Variants in WDR35 observed in about 807,000 individuals in gnomAD.
WDR35 encodes the protein WD repeat domain 35.
Under a neutral mutation model 158.3 loss-of-function variants are expected in WDR35, and 118 were observed. That is an observed-to-expected ratio of 0.75 (90% CI 0.64 to 0.87). WDR35 has a LOEUF of 0.87. Among genes scored for constraint, WDR35 ranks in the 40% least tolerant of loss-of-function variants. WDR35 has a pLI of 0.00. For missense variants in WDR35, 1,263 were observed against 1,405.8 expected (o/e 0.90, Z 1.62); for synonymous variants, 448 against 476.1 (o/e 0.94, Z 0.77).
intron 20 of WDR35, among the ~76,000 whole-genome samples, chr2:19,935,826 A>T (rs1670675706): frequency 6.6e-6 from 1 of 151,980 alleles, no homozygotes; most frequent in Non-Finnish European, 1.5e-5. Context: ...CCACCGCTTT[A>T]CTCCCAAACA....
rs1270793149 is a variant in WDR35 at position 19,945,890 on chromosome 2, C to G, written c.1741G>C (p.Glu581Gln). The G allele has an allele frequency of 6.2e-7, 1 of 1,613,874 alleles. No homozygotes were observed. Among genetic ancestry groups the G allele is most frequent in the African/African-American group, 1.3e-5 (1 of 74,922 alleles). Residue 581 changes from glutamate (E) to glutamine (Q), a missense_variant, in exon 16 of 27, where the codon GAA becomes CAA. By Grantham distance (29) the Glu-to-Gln change is conservative (BLOSUM62 2). Coordinates refer to ENST00000281405, the MANE Select transcript of WDR35 (RefSeq NM_020779.4). ...TTCATATCCCAGACATCTCTTCGTT[C>G]CAATTTTAACAACTCTCCAACTACT... ...QQVVGELLKL[E>Q]RRDVWDMKWA...
At chr2:19,942,852 T>A (rs1302744097) in intron 16 of WDR35, among the ~76,000 whole-genome samples, 1 of 152,078 alleles carries the variant, frequency 6.6e-6, no homozygotes, top group Non-Finnish European at 1.5e-5. Context: ...ACCAGCAGGG[T>A]CTCACCTAAC....
chr2:19,969,374 C>T, intron 9 of WDR35, 106 bp downstream of exon 9: 1 of 1,268,072 alleles, frequency 7.9e-7, no homozygotes, highest in Non-Finnish European at 1.1e-6. Flanking sequence ...AAAAGGCTTC[C>T]TTTCTGCTAG....
intron 22 of WDR35, among the ~76,000 whole-genome samples, 186 bp from the exon 23 acceptor site, chr2:19,932,633 A>G (rs538626458): frequency 1.3e-5 from 2 of 152,332 alleles, no homozygotes; most frequent in African/African-American, 4.8e-5. Context: ...AAAATGATTA[A>G]ATGATCTCTA....
rs1335542490 is a variant in WDR35 at position 19,938,296 on chromosome 2, A to G, written c.2032T>C (p.Phe678Leu). ...EKVGIKDASQ[F>L]IEDNPHPRLW... Reference sequence around the variant, plus strand: ...CGGGGGTGTGGATTGTCCTCTATGAACTGAGATGCATCTTTAATTCCAACC... The same window carrying G: ...CGGGGGTGTGGATTGTCCTCTATGAGCTGAGATGCATCTTTAATTCCAACC... Residue 678 changes from phenylalanine to leucine, a missense_variant, in exon 18 of 27, where the codon TTC (phenylalanine) becomes CTC (leucine). Physicochemically the swap from Phe to Leu is conservative, Grantham distance 22. Coordinates refer to ENST00000281405, the MANE Select transcript of WDR35 (RefSeq NM_020779.4). The G allele has an allele frequency of 6.2e-7, 1 of 1,613,934 alleles. No individual in the cohort carries two copies. Among genetic ancestry groups the G allele is most frequent in the Admixed American group, 1.7e-5 (1 of 59,966 alleles).
At chr2:19,976,620 G>A (rs1004809170) in intron 5 of WDR35, among the ~76,000 whole-genome samples, 3 of 150,148 alleles carry the variant, frequency 2.0e-5, no homozygotes, top group African/African-American at 7.4e-5. Flanking sequence ...AATTTCTGTT[G>A]TTTAAAAAAA....
At chr2:19,951,909 A>G (rs1172685730) in intron 12 of WDR35, 12 of 157,198 alleles carry the variant, frequency 7.6e-5, no homozygotes, top group African/African-American at 2.9e-4. Flanking sequence ...GTTCTAATTA[A>G]TGCAACTTCT....
intron 25 of WDR35, among the ~76,000 whole-genome samples, chr2:19,917,566 G>A (rs1396648918): frequency 6.6e-6 from 1 of 152,206 alleles, no homozygotes; most frequent in Non-Finnish European, 1.5e-5. Flanking sequence ...TGATGGAGCT[G>A]AAAAACACAG....
chr2:19,929,338 C>T (rs899947290), intron 25 of WDR35, among the ~76,000 whole-genome samples: 1 of 151,984 alleles, frequency 6.6e-6, no homozygotes, highest in Non-Finnish European at 1.5e-5. Context: ...TAATATCATG[C>T]CATTGGAATA....
intron 25 of WDR35, among the ~76,000 whole-genome samples, chr2:19,915,133 A>G (rs2103379440): frequency 6.7e-6 from 1 of 149,214 alleles, no homozygotes; most frequent in African/African-American, 2.5e-5. Flanking sequence ...TTAATATTAG[A>G]TTTATAACCA....
At chr2:19,980,816 A>C (rs1280694959) in intron 3 of WDR35, 33 bp from the exon 4 acceptor site, 14 of 1,583,530 alleles carry the variant, frequency 8.8e-6, no homozygotes, top group Admixed American at 1.7e-5. Context: ...AGAAACTTAA[A>C]GGTTACAATT....
chr2:19,950,240 G>A (rs1341856746), intron 13 of WDR35, among the ~76,000 whole-genome samples: 1 of 152,048 alleles, frequency 6.6e-6, no homozygotes, highest in East Asian at 1.9e-4. Flanking sequence ...CAGGAGTGTA[G>A]TTTCATGAAA....
chr2:19,966,993 T>C, intron 9 of WDR35, 84 bp from the exon 10 acceptor site: 1 of 1,354,466 alleles, frequency 7.4e-7, no homozygotes, highest in Non-Finnish European at 1.0e-6. Flanking sequence ...CACATTATTT[T>C]ATTTTTACTC....
At chr2:19,914,339 A>G in intron 25 of WDR35, 62 bp from the exon 26 acceptor site, 1 of 1,601,586 alleles carries the variant, frequency 6.2e-7, no homozygotes, top group South Asian at 1.1e-5. Flanking sequence ...TGAACATGCA[A>G]AAGAAGAATC....
intron 25 of WDR35, among the ~76,000 whole-genome samples, chr2:19,921,354 G>A (rs181813778): frequency 6.6e-5 from 10 of 152,098 alleles, no homozygotes; most frequent in African/African-American, 9.6e-5. Flanking sequence ...CAACAAAAAC[G>A]GCACGGTACT....
intron 22 of WDR35, 134 bp downstream of exon 22, chr2:19,933,266 TA>T: frequency 1.3e-6 from 1 of 756,838 alleles, no homozygotes; most frequent in Non-Finnish European, 2.3e-6. Context: ...GCTCCTTTCA[TA>T]AAATTCACGT....
intron 12 of WDR35, among the ~76,000 whole-genome samples, chr2:19,952,827 C>A (rs1000734097): frequency 6.7e-5 from 8 of 119,180 alleles, no homozygotes; most frequent in African/African-American, 2.6e-4. Context: ...CTCGCTCTGT[C>A]GCCCAGGCTG....
chr2:19,941,118 C>CTA (rs1572333184), intron 17 of WDR35, among the ~76,000 whole-genome samples: 1 of 151,914 alleles, frequency 6.6e-6, no homozygotes, highest in African/African-American at 2.4e-5. Context: ...AATTCAAAAA[C>CTA]TATATATATA....
intron 25 of WDR35, among the ~76,000 whole-genome samples, chr2:19,916,248 C>T (rs949589501): frequency 1.3e-5 from 2 of 152,230 alleles, no homozygotes. Flanking sequence ...ACCTGCAGAC[C>T]AGGAGATTCC....
Sources: allele counts gnomAD v4.1 joint callset (sites outside exome capture counted in the v4.1 genomes callset), GRCh38; gene constraint gnomAD v4.1.1; transcripts MANE v1.5; gene names NCBI Gene and HGNC (gene_info 2026-07-23, HGNC 2026-07-21).